The following GLRA3 variants were observed in gnomAD, a reference collection of about 807,000 sequenced individuals.
The protein encoded by GLRA3 is glycine receptor alpha 3.
GLRA3 carries 44 observed loss-of-function variants against 60.4 expected under a neutral mutation model. The observed-to-expected ratio is 0.73, with a 90% CI of 0.57 to 0.94. The LOEUF (loss-of-function observed/expected upper bound fraction) is 0.94, where lower values mean the gene tolerates loss of function less well. GLRA3 is among the 40% of genes least tolerant of loss of function. The pLI is 0.00. For synonymous variants in GLRA3, 223 were observed against 192.9 expected, an observed-to-expected ratio of 1.16 and a Z score of -1.29; for missense variants, 508 against 564.6, an observed-to-expected ratio of 0.90 and a Z score of 1.02.
At chr4:174,725,564 G>A (rs942296965) in intron 4 of GLRA3, among the ~76,000 whole-genome samples, 9 of 151,984 alleles carry the variant, frequency 5.9e-5, no homozygotes, top group South Asian at 2.1e-4. Flanking sequence ...CACTGCAACC[G>A]CTGCCTCTTA....
chr4:174,756,081 T>C (rs1289687620), intron 3 of GLRA3, among the ~76,000 whole-genome samples: 2 of 152,164 alleles, frequency 1.3e-5, no homozygotes, highest in Admixed American at 1.3e-4. Flanking sequence ...CGAATAGTTT[T>C]ATATCTAAGG....
chr4:174,790,054 G>A (rs1451192123), intron 1 of GLRA3, among the ~76,000 whole-genome samples: 2 of 152,148 alleles, frequency 1.3e-5, no homozygotes, highest in East Asian at 3.9e-4. Context: ...AGTGATTCAT[G>A]GGCACAGTTT....
At chr4:174,743,623 C>T (rs1737113002) in intron 3 of GLRA3, among the ~76,000 whole-genome samples, 1 of 152,070 alleles carries the variant, frequency 6.6e-6, no homozygotes, top group South Asian at 2.1e-4. Flanking sequence ...TGATGTTTAG[C>T]TTGGTCACTT....
At position 174,791,003 on chromosome 4, in the gene GLRA3, CAA is replaced by C. The variant is rs34671364; in HGVS notation, c.72-2062_72-2061del. 1.9e-3 allele frequency among the ~76,000 whole-genome samples: 205 copies of C among 108,194 alleles called. 2 individuals carry two copies. Among genetic ancestry groups the C allele is most frequent in the African/African-American group, 5.8e-3 (174 of 30,202 alleles). 71.0% of individuals were successfully genotyped at this position (108,194 alleles called of 152,430 possible). A position where few individuals can be genotyped will look rare whatever the true frequency, so the allele number is the denominator to read the frequency against. On this transcript the variant is annotated intron_variant, in intron 1 of 9. Transcript: ENST00000274093. Reference sequence around the variant, plus strand: ...TGGACCACACAGCGAGACTCCATCTCAAAAAAAAAAAAAAAATACTAGATGAC... The same window carrying C: ...TGGACCACACAGCGAGACTCCATCTCAAAAAAAAAAAAAATACTAGATGAC...
intron 3 of GLRA3, among the ~76,000 whole-genome samples, chr4:174,749,726 T>G (rs549177785): frequency 6.6e-6 from 1 of 152,204 alleles, no homozygotes; most frequent in South Asian, 2.1e-4. Flanking sequence ...CCAGGGATTT[T>G]TCATGACTCT....
chr4:174,783,454 C>A lies in GLRA3; in HGVS notation c.199+5362G>T, dbSNP rs562281777. ...ACACCAAAAGCAACGGCAACAAAAG[C>A]CAAAATTGACAAATGGGACCTAATT... On this transcript the variant is annotated intron_variant, in intron 2 of 9. Transcript: ENST00000274093. Among the ~76,000 whole-genome samples the A allele has an allele frequency of 3.6e-3, 485 of 133,602 alleles. 6 individuals carry two copies. The highest frequency in any genetic ancestry group is 0.013 in the African/African-American group (465 of 36,096). The allele number at this position is 133,602 out of a possible 152,430, so 87.6% of individuals were successfully genotyped here.
rs56317872 is a variant in GLRA3 at position 174,804,439 on chromosome 4, A to G, written c.72-15496T>C. Among the ~76,000 whole-genome samples, 1,518 of 152,240 alleles carry G rather than the reference A, an allele frequency of 1.0e-2. 31 individuals carry two copies. The highest frequency in any genetic ancestry group is 0.034 in the African/African-American group (1,429 of 41,538). On this transcript the variant is annotated intron_variant, in intron 1 of 9. Transcript: ENST00000274093. Reference sequence around the variant, plus strand: ...CCATTAAGAGACAATTCTAGTGGTCAGGAAGAGAGTTGAGGGTAGTCTTGG... The same window carrying G: ...CCATTAAGAGACAATTCTAGTGGTCGGGAAGAGAGTTGAGGGTAGTCTTGG...
At chr4:174,743,406 C>A (rs1251438490) in intron 3 of GLRA3, among the ~76,000 whole-genome samples, 1 of 150,866 alleles carries the variant, frequency 6.6e-6, no homozygotes, top group Non-Finnish European at 1.5e-5. Flanking sequence ...TTTCTTTTTT[C>A]ATTTTTTTCT....
At chr4:174,786,212 C>T (rs1376748736) in intron 2 of GLRA3, among the ~76,000 whole-genome samples, 5 of 151,874 alleles carry the variant, frequency 3.3e-5, no homozygotes, top group Non-Finnish European at 7.4e-5. Context: ...TAAATTAGTT[C>T]ATTTGATGAG....
chr4:174,828,236 G>A (rs1741056768), intron 1 of GLRA3, among the ~76,000 whole-genome samples: 1 of 151,998 alleles, frequency 6.6e-6, no homozygotes, highest in South Asian at 2.1e-4. Context: ...TAGGTCATTA[G>A]AAAATAGTAC....
At chr4:174,739,775 G>A (rs909022520) in intron 3 of GLRA3, among the ~76,000 whole-genome samples, 10 of 152,028 alleles carry the variant, frequency 6.6e-5, no homozygotes, top group South Asian at 2.1e-4. Context: ...CATTTTTACC[G>A]AAAAGGAAAG....
intron 2 of GLRA3, among the ~76,000 whole-genome samples, chr4:174,768,043 G>A (rs1226296097): frequency 6.6e-6 from 1 of 152,080 alleles, no homozygotes; most frequent in Non-Finnish European, 1.5e-5. Flanking sequence ...CACCAAGTGA[G>A]TTCTTAGTGA....
At chr4:174,781,796 C>A (rs901983505) in intron 2 of GLRA3, among the ~76,000 whole-genome samples, 1 of 152,188 alleles carries the variant, frequency 6.6e-6, no homozygotes, top group Non-Finnish European at 1.5e-5. Flanking sequence ...AGACCAATAA[C>A]ATGCTCTGCA....
At chr4:174,670,549 T>C (rs1239035586) in intron 7 of GLRA3, among the ~76,000 whole-genome samples, 1 of 152,184 alleles carries the variant, frequency 6.6e-6, no homozygotes, top group East Asian at 1.9e-4. Context: ...AACATATCTT[T>C]GTTTTTAAAC....
Position 174,728,591 on chromosome 4 carries a change from G to T in GLRA3, c.375C>A (p.Ser125=), listed in dbSNP as rs774212457. The change falls in exon 4 of 10, where the codon TCC becomes TCA. Residue 125 remains serine (S), a synonymous_variant. Coordinates refer to ENST00000274093, the MANE Select transcript of GLRA3 (RefSeq NM_006529.4). ...SLDLDPSMLD[S]IWKPDLFFAN... ...CAAAGAACAAATCAGGTTTCCAAATGGAGTCCAACATGGAGGGGTCGAGGT... is the reference window on the plus strand; with the variant it reads ...CAAAGAACAAATCAGGTTTCCAAATTGAGTCCAACATGGAGGGGTCGAGGT... 1 of 1,612,336 alleles carries T rather than the reference G, an allele frequency of 6.2e-7. No homozygotes were observed. The highest frequency in any genetic ancestry group is 8.5e-7 in the Non-Finnish European group (1 of 1,178,380).
rs957922280 is a variant in GLRA3, at chr4:174,699,796, GT to G, written c.574+15691del. On this transcript the variant is annotated intron_variant, in intron 5 of 9. Transcript: ENST00000274093. ...ATTTGTTAAATATTTAACATTATTT[GT>G]TAATTATTTAATTAATAATTAATAA... is the stretch of plus-strand genomic sequence containing the variant. Among the ~76,000 whole-genome samples the G allele has an allele frequency of 2.9e-3, 292 of 101,206 alleles. 2 individuals are homozygous for G. The highest frequency in any genetic ancestry group is 9.7e-3 in the African/African-American group (279 of 28,866). The allele number at this position is 101,206 out of a possible 152,430, so 66.4% of individuals were successfully genotyped here.
intron 2 of GLRA3, among the ~76,000 whole-genome samples, chr4:174,785,837 A>G (rs1739106080): frequency 6.6e-6 from 1 of 151,964 alleles, no homozygotes; most frequent in Non-Finnish European, 1.5e-5. Flanking sequence ...TGGCACAACC[A>G]TAGCTCACTG....
intron 1 of GLRA3, among the ~76,000 whole-genome samples, chr4:174,792,727 G>A (rs1739405668): frequency 6.6e-6 from 1 of 152,176 alleles, no homozygotes; most frequent in South Asian, 2.1e-4. Flanking sequence ...ACTTCTTCAG[G>A]AAAAAGGCTT....
At chr4:174,767,071 A>T (rs746861432) in intron 2 of GLRA3, 41 bp from the exon 3 acceptor site, 1 of 1,020,530 alleles carries the variant, frequency 9.8e-7, no homozygotes, top group Non-Finnish European at 1.5e-6. Flanking sequence ...TTAGAGACTT[A>T]TCTAAAACAT....
Sources: allele counts gnomAD v4.1 joint callset (sites outside exome capture counted in the v4.1 genomes callset), GRCh38; gene constraint gnomAD v4.1.1; transcripts MANE v1.5; gene names NCBI Gene and HGNC (gene_info 2026-07-23, HGNC 2026-07-21).